The following ZBTB24 variants were observed in gnomAD, a reference collection of about 807,000 sequenced individuals.
The protein encoded by ZBTB24 is zinc finger and BTB domain-containing protein 24.
A neutral mutation model predicts 53.8 loss-of-function variants in ZBTB24; 32 were observed. The ratio of observed to expected loss-of-function variants is 0.60; its 90% CI spans 0.45 to 0.80. ZBTB24 has a LOEUF of 0.80. Ranked by LOEUF, ZBTB24 falls within the 30% of genes least tolerant of loss-of-function variation. The pLI, the probability that ZBTB24 is intolerant of heterozygous loss-of-function variation, is 0.00. For missense variants in ZBTB24, 722 were observed against 837.1 expected (o/e 0.86, Z 1.70); for synonymous variants, 297 against 306.7 (o/e 0.97, Z 0.33).
intron 1 of ZBTB24, among the ~76,000 whole-genome samples, chr6:109,482,274 T>C (rs1348485451): frequency 6.6e-6 from 1 of 152,116 alleles, no homozygotes; most frequent in Non-Finnish European, 1.5e-5. Context: ...GAGACCAGCC[T>C]GGGCAACATG....
At chr6:109,482,617 G>GC (rs1293809676) in intron 1 of ZBTB24, among the ~76,000 whole-genome samples, 1 of 151,576 alleles carries the variant, frequency 6.6e-6, no homozygotes, top group East Asian at 2.0e-4. Flanking sequence ...TCAGCCTCCT[G>GC]CCGCACATTA....
In ZBTB24 at chr6:109,475,382, A is replaced by G. The variant is rs1345585861; in HGVS notation, c.1288+17T>C. The G allele has an allele frequency of 6.2e-7, 1 of 1,613,994 alleles. No homozygotes were observed. The highest frequency in any genetic ancestry group is 8.5e-7 in the Non-Finnish European group (1 of 1,179,976). On this transcript the variant is annotated intron_variant, in intron 5 of 6. Coordinates refer to ENST00000230122, the MANE Select transcript of ZBTB24 (RefSeq NM_014797.3). Reference sequence around the variant, plus strand: ...AACATCCCGTGTACTGGGGGGACAGACGAGATGGAGTTTTACCTGTGTGTG... The same window carrying G: ...AACATCCCGTGTACTGGGGGGACAGGCGAGATGGAGTTTTACCTGTGTGTG...
chr6:109,475,470 G>A lies in ZBTB24; in HGVS notation c.1217C>T (p.Pro406Leu), dbSNP rs752335042. 13 of 1,614,002 alleles carry A rather than the reference G, an allele frequency of 8.1e-6. No individual in the cohort carries two copies. The highest frequency in any genetic ancestry group is 5.0e-5 in the Admixed American group (3 of 60,000). Residue 406 changes from proline to leucine, a missense_variant, in exon 5 of 7, where the codon CCG becomes CTG. Transcript: ENST00000230122. ...HYRVHTGHSL[P>L]ECKDCHRKFM... is the part of the protein sequence containing the mutation. ...TTTGCGATGGCAGTCTTTGCATTCC[G>A]GTAATGAGTGGCCTTGTCGCAACAA...
At chr6:109,470,322 C>T (rs962405758) in intron 5 of ZBTB24, among the ~76,000 whole-genome samples, 5 of 151,762 alleles carry the variant, frequency 3.3e-5, no homozygotes, top group African/African-American at 1.2e-4. Context: ...ACCAATCCCA[C>T]CCACCCAGGG....
rs1217493537 is a variant in ZBTB24 at position 109,465,081 on chromosome 6, C to T, written c.*770G>A. 6.6e-5 allele frequency: 10 copies of T among 152,178 alleles called. No individual in the cohort carries two copies. The highest frequency in any genetic ancestry group is 3.3e-4 in the Admixed American group (5 of 15,268). 9.4% of individuals were successfully genotyped at this position (152,178 alleles called of 1,614,324 possible). A position where few individuals can be genotyped will look rare whatever the true frequency, so the allele number is the denominator to read the frequency against. ...CAGAATTTAGGGTGAATGTCTTGAT[C>T]CAATTTTGTATTTTAAACTTAATTA... is the stretch of plus-strand genomic sequence containing the variant. On this transcript the variant is annotated 3_prime_UTR_variant, in exon 7 of 7. Transcript: ENST00000230122.
At chr6:109,480,890 T>G (rs1776390751) in intron 2 of ZBTB24, 185 bp downstream of exon 2, 1 of 1,374,094 alleles carries the variant, frequency 7.3e-7, no homozygotes, top group African/African-American at 1.5e-5. Flanking sequence ...ATTTTAATCA[T>G]ACAATGTATA....
chr6:109,477,933 TTA>T (rs1350813253), intron 2 of ZBTB24, among the ~76,000 whole-genome samples: 2 of 152,090 alleles, frequency 1.3e-5, no homozygotes, highest in Admixed American at 1.3e-4. Flanking sequence ...TCCAGTGAGG[TTA>T]TGACAGGCCT....
At chr6:109,473,055 C>G (rs976190762) in intron 5 of ZBTB24, among the ~76,000 whole-genome samples, 3 of 152,190 alleles carry the variant, frequency 2.0e-5, no homozygotes, top group Admixed American at 2.0e-4. Context: ...TGTCACTCAT[C>G]TCAGTAAAGC....
chr6:109,481,363 T>C lies in ZBTB24; in HGVS notation c.664A>G (p.Thr222Ala). Residue 222 changes from threonine to alanine, a missense_variant, in exon 2 of 7, where the codon ACT becomes GCT. Coordinates refer to ENST00000230122, the MANE Select transcript of ZBTB24 (RefSeq NM_014797.3). ...TCCTCCTCTCTACTTGGCTCACAAG[T>C]AGGCTCCGATTCTTCCTTTTCTTTT... ...AAKEKEESEPTCEPSREEEMP... is the reference protein window; with the variant it reads ...AAKEKEESEPACEPSREEEMP... The C allele has an allele frequency of 6.2e-7, 1 of 1,614,206 alleles. No homozygotes were observed. The highest frequency in any genetic ancestry group is 1.1e-5 in the South Asian group (1 of 91,088).
chr6:109,469,900 G>A (rs986762568), intron 5 of ZBTB24, among the ~76,000 whole-genome samples: 4 of 152,186 alleles, frequency 2.6e-5, no homozygotes, highest in Non-Finnish European at 5.9e-5. Context: ...CAGTGACCAA[G>A]GATCACTGTC....
At chr6:109,478,289 T>A (rs1291023248) in intron 2 of ZBTB24, among the ~76,000 whole-genome samples, 1 of 152,160 alleles carries the variant, frequency 6.6e-6, no homozygotes, top group Non-Finnish European at 1.5e-5. Flanking sequence ...AAGAAGTTAA[T>A]CACCTACGTC....
At chr6:109,467,590 A>C in intron 6 of ZBTB24, 63 bp downstream of exon 6, 2 of 1,612,990 alleles carry the variant, frequency 1.2e-6, no homozygotes, top group Non-Finnish European at 1.7e-6. Flanking sequence ...AACACATGTC[A>C]CCTCACTGAA....
intron 2 of ZBTB24, among the ~76,000 whole-genome samples, chr6:109,478,682 C>A (rs1317519924): frequency 6.6e-6 from 1 of 152,020 alleles, no homozygotes; most frequent in Non-Finnish European, 1.5e-5. Context: ...GCCTGGGCAA[C>A]AGCCTAAGAA....
At chr6:109,471,924 G>C (rs540063623) in intron 5 of ZBTB24, among the ~76,000 whole-genome samples, 1 of 152,146 alleles carries the variant, frequency 6.6e-6, no homozygotes, top group Admixed American at 6.5e-5. Flanking sequence ...TTGTCTGCCT[G>C]ACACTTTGCC....
chr6:109,481,881 C>T lies in ZBTB24; in HGVS notation c.146G>A (p.Arg49Gln), dbSNP rs147441359. ...ITLIVENVHFRAHKALLAASS... is the reference protein window; with the variant it reads ...ITLIVENVHFQAHKALLAASS... ...GGCAGCAAGTAAGGCTTTGTGGGCC[C>T]GGAAATGTACATTCTCCACGATTAA... is the stretch of plus-strand genomic sequence containing the variant. The change falls in exon 2 of 7, where the codon CGG becomes CAG. Residue 49 changes from arginine to glutamine, a missense_variant. Arg to Gln is a conservative substitution (Grantham distance 43). Coordinates refer to ENST00000230122, the MANE Select transcript of ZBTB24 (RefSeq NM_014797.3). 11,798 of 1,614,160 alleles carry T rather than the reference C, an allele frequency of 7.3e-3. 66 individuals carry two copies. Among genetic ancestry groups the T allele is most frequent in the Middle Eastern group, 9.9e-3 (60 of 6,062 alleles).
intron 2 of ZBTB24, among the ~76,000 whole-genome samples, chr6:109,478,761 T>C (rs1161221301): frequency 2.0e-5 from 3 of 150,814 alleles, no homozygotes; most frequent in African/African-American, 7.3e-5. Context: ...CACCCTTACA[T>C]ATGATTTAAA....
At chr6:109,469,996 T>C (rs931450286) in intron 5 of ZBTB24, among the ~76,000 whole-genome samples, 2 of 152,112 alleles carry the variant, frequency 1.3e-5, no homozygotes, top group Non-Finnish European at 2.9e-5. Flanking sequence ...CAGAATGACA[T>C]GCTGAAAGTA....
At chr6:109,474,234 A>G (rs1218977176) in intron 5 of ZBTB24, among the ~76,000 whole-genome samples, 1 of 152,206 alleles carries the variant, frequency 6.6e-6, no homozygotes, top group Non-Finnish European at 1.5e-5. Context: ...ATTCTTTGAC[A>G]AAAGGTATAA....
intron 1 of ZBTB24, among the ~76,000 whole-genome samples, chr6:109,482,685 A>G (rs1250558076): frequency 6.6e-6 from 1 of 152,050 alleles, no homozygotes; most frequent in African/African-American, 2.4e-5. Context: ...CTTCTATAAA[A>G]TGAAGGAATG....
Sources: allele counts gnomAD v4.1 joint callset (sites outside exome capture counted in the v4.1 genomes callset), GRCh38; gene constraint gnomAD v4.1.1; transcripts MANE v1.5; gene names NCBI Gene and HGNC (gene_info 2026-07-23, HGNC 2026-07-21).